The following REM1 variants were observed in gnomAD, a reference collection of about 807,000 sequenced individuals.
REM1 encodes the protein RRAD and GEM like GTPase 1.
A neutral mutation model predicts 27.0 loss-of-function variants in REM1; 20 were observed. That is an observed-to-expected ratio of 0.74 (90% CI 0.52 to 1.08). The LOEUF is 1.08. Among genes scored for constraint, REM1 ranks in the 50% least tolerant of loss-of-function variants. The pLI is 0.00. For synonymous variants in REM1, 159 were observed against 167.9 expected (o/e 0.95, Z 0.41); for missense variants, 405 against 407.0 (o/e 1.00, Z 0.04).
rs1269096260 is a variant in REM1, at chr20:31,484,421, C to T, written c.888C>T (p.Ala296=). ...GCTCCAAGTCCTGCCACAATCTGGC[C>T]GTGCTCTGAAGCCCCCCGCCCTTCT... ...KARSKSCHNL[A]VL Residue 296 remains alanine, a synonymous_variant, in exon 5 of 5, where the codon GCC becomes GCT. Transcript: ENST00000201979. 7 of 1,514,236 alleles carry T rather than the reference C, an allele frequency of 4.6e-6. No individual in the cohort carries two copies. Among genetic ancestry groups the T allele is most frequent in the South Asian group, 1.3e-5 (1 of 77,562 alleles). The allele number at this position is 1,514,236 out of a possible 1,614,324, so 93.8% of individuals were successfully genotyped here.
At position 31,484,196 on chromosome 20, in the gene REM1, C is replaced by G. The variant is rs1307104495; in HGVS notation, c.663C>G (p.Phe221Leu). Residue 221 changes from phenylalanine (F) to leucine (L), a missense_variant, in exon 5 of 5, where the codon TTC becomes TTG. Transcript: ENST00000201979. ...GCGCTGTGGTGTTCGACTGTAAATT[C>G]ATCGAGACATCCGCCACGCTGCAGC... ...RACAVVFDCK[F>L]IETSATLQHN... 3 of 1,607,170 alleles carry G rather than the reference C, an allele frequency of 1.9e-6. No individual in the cohort carries two copies. Among genetic ancestry groups the G allele is most frequent in the Non-Finnish European group, 2.5e-6 (3 of 1,176,836 alleles).
In REM1 at chr20:31,484,380, C is replaced by T. The variant is rs1401227152; in HGVS notation, c.847C>T (p.Arg283Trp). 3 of 1,553,584 alleles carry T rather than the reference C, an allele frequency of 1.9e-6. No homozygotes were observed. The Admixed American group carries it at 5.8e-5, about 30-fold the overall frequency. Residue 283 changes from arginine (R) to tryptophan (W), a missense_variant, in exon 5 of 5, where the codon CGG (arginine) becomes TGG (tryptophan). Physicochemically the swap from Arg to Trp is moderately radical, Grantham distance 101. Transcript: ENST00000201979. Reference sequence around the variant, plus strand: ...CCTGACAGCCCGCAGCGCACGCCGCCGGGCACTCAAGGCCCGCTCCAAGTC... The same window carrying T: ...CCTGACAGCCCGCAGCGCACGCCGCTGGGCACTCAAGGCCCGCTCCAAGTC... ...ARLTARSARR[R>W]ALKARSKSCH...
chr20:31,484,724 A>T lies in REM1; in HGVS notation c.*294A>T. 1 of 418,874 alleles carries T rather than the reference A, an allele frequency of 2.4e-6. No homozygotes were observed. The highest frequency in any genetic ancestry group is 4.2e-6 in the Non-Finnish European group (1 of 236,582). The allele number at this position is 418,874 out of a possible 1,614,324, so 25.9% of individuals were successfully genotyped here. ...CCCTGGGCTCTGGCCAACCCTCAGA[A>T]ACCCTCACAATAAACCAGACCAGAA... On this transcript the variant is annotated 3_prime_UTR_variant, in exon 5 of 5. Transcript: ENST00000201979.
chr20:31,478,913 C>A (rs1980623311), intron 3 of REM1, among the ~76,000 whole-genome samples: 2 of 151,794 alleles, frequency 1.3e-5, no homozygotes, highest in Non-Finnish European at 2.9e-5. Context: ...CGGCTCACTG[C>A]AACCTCCGCC....
In REM1 at chr20:31,476,514, GT is replaced by G; in HGVS notation, c.70del (p.Ser24ProfsTer10). 1.2e-6 allele frequency: 2 copies of G among 1,613,858 alleles called. No homozygotes were observed. The highest frequency in any genetic ancestry group is 1.7e-6 in the Non-Finnish European group (2 of 1,179,902). On this transcript the variant is annotated frameshift_variant, in exon 2 of 5. Transcript: ENST00000201979. LOFTEE classifies it high-confidence loss of function. ...HRRASTPLPL[S>X]PRGHQPGRLS... is the part of the protein sequence containing the mutation. ...GGCGAGCCAGCACCCCACTGCCCCT[GT>G]CCCCACGGGGCCACCAGCCTGGCCG...
rs775435300 is a variant in REM1, at chr20:31,482,242, G to T, written c.424-45G>T. 8.2e-6 allele frequency: 13 copies of T among 1,588,184 alleles called. No individual in the cohort carries two copies. In the South Asian group the frequency reaches 1.2e-4, roughly 15 times the overall value. On this transcript the variant is annotated intron_variant, in intron 3 of 4. Coordinates refer to ENST00000201979, the MANE Select transcript of REM1 (RefSeq NM_014012.6). ...CCCAGCTCCACCTTCCTCAGCCAGG[G>T]CCTAGATACCCTCTGAGGATGGGTC...
In REM1 at chr20:31,476,435, C is replaced by CG; in HGVS notation, c.-11_-10insG. On this transcript the variant is annotated 5_prime_UTR_variant, in exon 2 of 5. Coordinates refer to ENST00000201979, the MANE Select transcript of REM1 (RefSeq NM_014012.6). ...GGAAAGAAGGAAGAAGCAAACCCCC[C>CG]CCTACCAAAGATGACACTCAACACC... 6.5e-7 allele frequency: 1 copy of CG among 1,546,706 alleles called. No homozygotes were observed. Among genetic ancestry groups the CG allele is most frequent in the Non-Finnish European group, 8.7e-7 (1 of 1,148,834 alleles).
chr20:31,476,168 T>C (rs915484388), intron 1 of REM1, 59 bp from the exon 2 acceptor site: 14 of 449,666 alleles, frequency 3.1e-5, no homozygotes, highest in African/African-American at 9.8e-5. Flanking sequence ...GAATGGCCTC[T>C]GGGTGTGCAT....
intron 3 of REM1, among the ~76,000 whole-genome samples, chr20:31,481,083 C>A (rs1227784001): frequency 6.6e-6 from 1 of 152,010 alleles, no homozygotes; most frequent in Non-Finnish European, 1.5e-5. Flanking sequence ...ACCAGCCTGG[C>A]CAATATCGTG....
chr20:31,480,198 G>GATAC (rs1177728032), intron 3 of REM1, among the ~76,000 whole-genome samples: 5 of 113,558 alleles, frequency 4.4e-5, no homozygotes, highest in Non-Finnish European at 9.6e-5. Flanking sequence ...AAGATAGATA[G>GATAC]ATAGATAGAT....
At chr20:31,482,521 C>T in intron 4 of REM1, 33 bp downstream of exon 4, 1 of 1,595,324 alleles carries the variant, frequency 6.3e-7, no homozygotes, top group Non-Finnish European at 8.6e-7. Flanking sequence ...TCCTCTTCAC[C>T]TGGGCCCCAC....
rs562532948 is a variant in REM1, at chr20:31,484,338, C to T, written c.805C>T (p.Arg269Cys). Reference sequence around the variant, plus strand: ...GCCGGCCAGCCTAGCCCAGCGCGCTCGTCGCTTCCTGGCACGCCTGACAGC... The same window carrying T: ...GCCGGCCAGCCTAGCCCAGCGCGCTTGTCGCTTCCTGGCACGCCTGACAGC... ...RRPASLAQRARRFLARLTARS... is the reference protein window; with the variant it reads ...RRPASLAQRACRFLARLTARS... Residue 269 changes from arginine to cysteine, a missense_variant, in exon 5 of 5, where the codon CGT becomes TGT. By Grantham distance (180) the Arg-to-Cys change is radical. Transcript: ENST00000201979. 21 of 1,565,726 alleles carry T rather than the reference C, an allele frequency of 1.3e-5. No individual in the cohort carries two copies. Among genetic ancestry groups the T allele is most frequent in the African/African-American group, 9.4e-5 (7 of 74,092 alleles).
Position 31,475,759 on chromosome 20 carries a change from A to G in REM1, c.-220+393A>G, listed in dbSNP as rs1568760330. 6.6e-6 allele frequency among the ~76,000 whole-genome samples: 1 copy of G among 152,160 alleles called. No individual in the cohort carries two copies. The highest frequency in any genetic ancestry group is 1.5e-5 in the Non-Finnish European group (1 of 68,016). On this transcript the variant is annotated intron_variant, in intron 1 of 4. Coordinates refer to ENST00000201979, the MANE Select transcript of REM1 (RefSeq NM_014012.6). The surrounding 1 kb of genome is among the most constrained non-coding windows in gnomAD (Gnocchi z 5.0). ...AGCGCCAGCCGCTCCTGAATTTTTC[A>G]CACAGGGGGCGGGTCAGACACGCGG... is the stretch of plus-strand genomic sequence containing the variant.
rs2033475388 is a variant in REM1, at chr20:31,476,798, T to C, written c.340+13T>C. 1.3e-6 allele frequency: 2 copies of C among 1,587,684 alleles called. No individual in the cohort carries two copies. Among genetic ancestry groups the C allele is most frequent in the Non-Finnish European group, 1.7e-6 (2 of 1,167,704 alleles). ...GAACAGCTGGGAGGTAGGGGCCATA[T>C]GGGCTGGGCTGGGATGTGGCCAAAG... is the stretch of plus-strand genomic sequence containing the variant. On this transcript the variant is annotated intron_variant, in intron 2 of 4. Coordinates refer to ENST00000201979, the MANE Select transcript of REM1 (RefSeq NM_014012.6).
chr20:31,482,551 G>A lies in REM1; in HGVS notation c.625+63G>A, dbSNP rs1044977240. 1.0e-5 allele frequency: 15 copies of A among 1,501,138 alleles called. No individual in the cohort carries two copies. The Admixed American group carries it at 2.7e-4, about 27-fold the overall frequency. The allele number at this position is 1,501,138 out of a possible 1,614,324, so 93.0% of individuals were successfully genotyped here. A position where few individuals can be genotyped will look rare whatever the true frequency, so the allele number is the denominator to read the frequency against. ...CCCCACTGTCATGGCTGCTCCTCCA[G>A]CGCTCTTCATCTCAGTGACTGTCCC... is the stretch of plus-strand genomic sequence containing the variant. On this transcript the variant is annotated intron_variant, in intron 4 of 4. Coordinates refer to ENST00000201979, the MANE Select transcript of REM1 (RefSeq NM_014012.6).
intron 2 of REM1, 39 bp from the exon 3 acceptor site, chr20:31,477,789 C>G: frequency 2.6e-6 from 4 of 1,531,934 alleles, no homozygotes; most frequent in Non-Finnish European, 3.6e-6. Flanking sequence ...CTCAGGCTTG[C>G]CCGTCCTCCC....
chr20:31,482,599 A>G, intron 4 of REM1, 111 bp downstream of exon 4: 1 of 1,085,020 alleles, frequency 9.2e-7, no homozygotes, highest in Non-Finnish European at 1.3e-6. Flanking sequence ...CCTACCCTGC[A>G]GCCACTTGCC....
At chr20:31,479,339 C>T (rs1268272722) in intron 3 of REM1, among the ~76,000 whole-genome samples, 1 of 152,164 alleles carries the variant, frequency 6.6e-6, no homozygotes, top group Non-Finnish European at 1.5e-5. Context: ...CCTCTGGCTT[C>T]GTGGACCTCA....
intron 3 of REM1, among the ~76,000 whole-genome samples, chr20:31,478,118 C>T (rs1980590766): frequency 6.6e-6 from 1 of 152,084 alleles, no homozygotes; most frequent in African/African-American, 2.4e-5. Flanking sequence ...TCCACAATCC[C>T]CTCCTAGCAG....
Sources: gnomAD v4.1 joint callset for allele counts (sites outside exome capture counted in the v4.1 genomes callset) on GRCh38, gnomAD v4.1.1 for gene constraint, Gnocchi (gnomAD v3.1) non-coding constraint, MANE v1.5 for transcripts, NCBI Gene and HGNC (gene_info 2026-07-23, HGNC 2026-07-21) for gene names.